Variants in CASR observed in about 807,000 individuals in gnomAD.
CASR encodes the protein extracellular calcium-sensing receptor.
Under a neutral mutation model 69.1 loss-of-function variants are expected in CASR, and 23 were observed. The ratio of observed to expected loss-of-function variants is 0.33; its 90% CI spans 0.24 to 0.47. The LOEUF (loss-of-function observed/expected upper bound fraction) is 0.47. Among genes scored for constraint, CASR ranks in the 20% least tolerant of loss-of-function variants. The pLI is 1.00. For missense variants in CASR, 924 were observed against 1,356.1 expected (o/e 0.68, Z 5.00); for synonymous variants, 541 against 544.7 (o/e 0.99, Z 0.10).
intron 1 of CASR, among the ~76,000 whole-genome samples, chr3:122,252,409 A>AGGAAAAAGAAAGAAAGAGAAAGAAAG (rs1553765626): frequency 4.6e-4 from 3 of 6,474 alleles, no homozygotes; most frequent in South Asian, 3.7e-3. Context: ...GAAGGAAGGA[A>AGGAAAAAGAAAGAAAGAGAAAGAAAG]AAAGAAAGAA....
At chr3:122,243,129 G>A (rs887648178) in intron 1 of CASR, among the ~76,000 whole-genome samples, 2 of 152,162 alleles carry the variant, frequency 1.3e-5, no homozygotes, top group South Asian at 2.1e-4. Flanking sequence ...AATTTCTTGA[G>A]TAACACTCCA....
At chr3:122,194,693 T>C (rs2073871896) in intron 1 of CASR, among the ~76,000 whole-genome samples, 1 of 152,226 alleles carries the variant, frequency 6.6e-6, no homozygotes, top group African/African-American at 2.4e-5. Context: ...CCATGTCTTA[T>C]AACCCTTGGC....
chr3:122,262,562 T>C, intron 4 of CASR, 150 bp downstream of exon 4: 1 of 713,084 alleles, frequency 1.4e-6, no homozygotes, highest in South Asian at 1.7e-5. Flanking sequence ...CTTTTTTAAA[T>C]CTTGAGCAAC....
At chr3:122,253,443 A>T (rs892664700) in intron 1 of CASR, among the ~76,000 whole-genome samples, 3 of 152,090 alleles carry the variant, frequency 2.0e-5, no homozygotes, top group African/African-American at 7.2e-5. Flanking sequence ...GGGTTTCACC[A>T]TGTTGGTCAA....
chr3:122,269,256 T>C (rs2074728688), intron 4 of CASR, among the ~76,000 whole-genome samples: 1 of 152,262 alleles, frequency 6.6e-6, no homozygotes, highest in East Asian at 1.9e-4. Context: ...GAACTCCCAG[T>C]ATAATCTTGT....
chr3:122,232,153 T>A (rs1484045487), intron 1 of CASR, among the ~76,000 whole-genome samples: 2 of 152,200 alleles, frequency 1.3e-5, no homozygotes, highest in East Asian at 3.8e-4. Flanking sequence ...AATCCCTTTT[T>A]TTTATTGTAC....
At chr3:122,203,902 T>G in intron 1 of CASR, among the ~76,000 whole-genome samples, 1 of 152,262 alleles carries the variant, frequency 6.6e-6, no homozygotes, top group East Asian at 1.9e-4. Context: ...CTTTCAGCAT[T>G]TGAATTTTTC....
intron 1 of CASR, among the ~76,000 whole-genome samples, chr3:122,228,825 A>C (rs1188634430): frequency 6.6e-6 from 1 of 152,080 alleles, no homozygotes; most frequent in African/African-American, 2.4e-5. Flanking sequence ...GCCCAGAACC[A>C]CCGCTGTGCC....
At chr3:122,275,683 T>C (rs2107643224) in intron 4 of CASR, 129 bp from the exon 5 acceptor site, 1 of 736,260 alleles carries the variant, frequency 1.4e-6, no homozygotes, top group South Asian at 1.5e-5. Context: ...AAGCTGTCTC[T>C]TCCTCAAGTC....
At chr3:122,206,123 A>G (rs1442955146) in intron 1 of CASR, among the ~76,000 whole-genome samples, 1 of 152,004 alleles carries the variant, frequency 6.6e-6, no homozygotes, top group Admixed American at 6.5e-5. Flanking sequence ...TAAAAGTGGT[A>G]TAAATAGTCA....
chr3:122,243,076 C>T (rs571846114), intron 1 of CASR, among the ~76,000 whole-genome samples: 2 of 151,952 alleles, frequency 1.3e-5, no homozygotes, highest in African/African-American at 2.4e-5. Flanking sequence ...AACTACTAAA[C>T]AAAAACACTG....
rs756206452 is a variant in CASR, at chr3:122,262,389, A to G, written c.1354A>G (p.Ile452Val). 10 of 1,613,630 alleles carry G rather than the reference A, an allele frequency of 6.2e-6. No homozygotes were observed. The highest frequency in any genetic ancestry group is 8.5e-6 in the Non-Finnish European group (10 of 1,180,042). ...GLFTNGSCAD[I>V]KKVEAWQVLK... ...CTTCACCAATGGCTCCTGTGCAGAC[A>G]TCAAGAAAGTTGAGGCGTGGCAGGT... The change falls in exon 4 of 7, where the codon ATC (isoleucine) becomes GTC (valine). Residue 452 changes from isoleucine to valine, a missense_variant. This residue lies in a region of CASR where 310 missense variants were observed against 395.7 expected (regional missense o/e 0.78). Transcript: ENST00000639785.
At chr3:122,240,901 A>C (rs1378453187) in intron 1 of CASR, among the ~76,000 whole-genome samples, 1 of 152,110 alleles carries the variant, frequency 6.6e-6, no homozygotes, top group Non-Finnish European at 1.5e-5. Flanking sequence ...ATACAATCAC[A>C]TGGAATTTAA....
intron 1 of CASR, among the ~76,000 whole-genome samples, chr3:122,225,921 C>A (rs1288211528): frequency 2.0e-5 from 3 of 152,186 alleles, no homozygotes; most frequent in African/African-American, 7.2e-5. Context: ...ATATCCTTTG[C>A]AGCAACATGG....
chr3:122,284,711 C>T lies in CASR; in HGVS notation c.2757C>T (p.Asn919=). The T allele has an allele frequency of 6.2e-7, 1 of 1,613,898 alleles. No individual in the cohort carries two copies. Among genetic ancestry groups the T allele is most frequent in the South Asian group, 1.1e-5 (1 of 91,060 alleles). Residue 919 remains asparagine, a synonymous_variant, in exon 7 of 7, where the codon AAC becomes AAT. Transcript: ENST00000639785. ...TPSSSISSKS[N]SEDPFPQPER... ...CCTCCTCCATCAGCAGCAAGAGCAA[C>T]AGCGAAGACCCATTCCCACAGCCCG...
intron 1 of CASR, among the ~76,000 whole-genome samples, chr3:122,191,981 A>G (rs1195457023): frequency 6.6e-6 from 1 of 152,258 alleles, no homozygotes; most frequent in Non-Finnish European, 1.5e-5. Flanking sequence ...ATTGCCTTAA[A>G]ACTGTTCACA....
rs1433686492 is a variant in CASR, at chr3:122,257,193, A to T, written c.298A>T (p.Thr100Ser). The T allele has an allele frequency of 6.2e-7, 1 of 1,614,198 alleles. No individual in the cohort carries two copies. The highest frequency in any genetic ancestry group is 8.5e-7 in the Non-Finnish European group (1 of 1,180,018). ...NLTLGYRIFDTCNTVSKALEA... is the reference protein window; with the variant it reads ...NLTLGYRIFDSCNTVSKALEA... The stretch of plus-strand genomic sequence containing the variant: ...GACGCTGGGATACAGGATATTTGAC[A>T]CTTGCAACACCGTTTCTAAGGCCTT... The change falls in exon 3 of 7, where the codon ACT becomes TCT. Residue 100 changes from threonine to serine, a missense_variant. Physicochemically the swap from Thr to Ser is moderately conservative, Grantham distance 58. Transcript: ENST00000639785.
chr3:122,267,426 GA>G (rs996651790), intron 4 of CASR, among the ~76,000 whole-genome samples: 7 of 150,862 alleles, frequency 4.6e-5, no homozygotes, highest in Non-Finnish European at 8.9e-5. Context: ...TTGAAGTAAG[GA>G]AAAAAAAATA....
At chr3:122,252,097 C>G (rs915055897) in intron 1 of CASR, among the ~76,000 whole-genome samples, 2 of 151,918 alleles carry the variant, frequency 1.3e-5, no homozygotes, top group African/African-American at 4.8e-5. Context: ...AGTTCAAGGC[C>G]AGCTGTGGAC....
Sources: gnomAD v4.1 joint callset for allele counts (sites outside exome capture counted in the v4.1 genomes callset) on GRCh38, gnomAD v4.1.1 for gene constraint, gnomAD v4.1.1 regional missense constraint, MANE v1.5 for transcripts, NCBI Gene and HGNC (gene_info 2026-07-23, HGNC 2026-07-21) for gene names.